The following MYT1L variants were observed in gnomAD, a reference collection of about 807,000 sequenced individuals.
MYT1L encodes myelin transcription factor 1 like, also known as myelin transcription factor 1-like protein.
A neutral mutation model predicts 126.7 loss-of-function variants in MYT1L; 12 were observed. That is an observed-to-expected ratio of 0.09 (90% confidence interval 0.06 to 0.15). MYT1L has a LOEUF of 0.15. Among genes scored for constraint, MYT1L ranks in the 10% least tolerant of loss-of-function variants. The pLI is 1.00. For synonymous variants in MYT1L, 541 were observed against 604.2 expected (o/e 0.90, Z 1.53); for missense variants, 979 against 1,585.2 (o/e 0.62, Z 6.49).
rs80023512 is a variant in MYT1L at position 2,196,891 on chromosome 2, C to T, written c.-420-23903G>A. ...GAGATGTGAAAGTAGTACACAGGACCATCAATAGTCAAAGATTATCACACC... is the reference window on the plus strand; with the variant it reads ...GAGATGTGAAAGTAGTACACAGGACTATCAATAGTCAAAGATTATCACACC... On this transcript the variant is annotated intron_variant, in intron 2 of 24. Coordinates refer to ENST00000647738, the MANE Select transcript of MYT1L (RefSeq NM_001303052.2). Among the ~76,000 whole-genome samples, 1,436 of 152,006 alleles carry T rather than the reference C, an allele frequency of 9.4e-3. 28 individuals are homozygous for T. The highest frequency in any genetic ancestry group is 0.033 in the African/African-American group (1,353 of 41,486).
Position 2,256,471 on chromosome 2 carries a change from C to G in MYT1L, c.-421+27933G>C, listed in dbSNP as rs1430196420. ...TCTATGCTGCTTAGCGCTACAGCAGCAGAATGGAGTAGTGGGAACAGGAAC... is the reference window on the plus strand; with the variant it reads ...TCTATGCTGCTTAGCGCTACAGCAGGAGAATGGAGTAGTGGGAACAGGAAC... On this transcript the variant is annotated intron_variant, in intron 2 of 24. Transcript: ENST00000647738. Among the ~76,000 whole-genome samples the G allele has an allele frequency of 4.6e-5, 7 of 152,188 alleles. No individual in the cohort carries two copies. The East Asian group carries it at 1.3e-3, about 29-fold the overall frequency.
At chr2:1,833,587 G>A (rs1347561779) in intron 21 of MYT1L, among the ~76,000 whole-genome samples, 2 of 152,142 alleles carry the variant, frequency 1.3e-5, no homozygotes, top group Non-Finnish European at 2.9e-5. Flanking sequence ...CTCCTTTCTG[G>A]GAGGGATTGG....
At chr2:1,956,359 C>G (rs1055440705) in intron 8 of MYT1L, among the ~76,000 whole-genome samples, 2 of 150,062 alleles carry the variant, frequency 1.3e-5, no homozygotes, top group East Asian at 3.9e-4. Flanking sequence ...ATCTATCTAT[C>G]TATCATCTAT....
chr2:1,976,273 C>T (rs745960224), intron 8 of MYT1L, among the ~76,000 whole-genome samples: 7 of 152,142 alleles, frequency 4.6e-5, no homozygotes, highest in Non-Finnish European at 1.0e-4. Context: ...GAGGGTGTGC[C>T]GGCATGAATG....
intron 3 of MYT1L, among the ~76,000 whole-genome samples, chr2:2,070,279 T>C (rs2074436856): frequency 6.6e-6 from 1 of 152,176 alleles, no homozygotes; most frequent in South Asian, 2.1e-4. Flanking sequence ...ATCTACCCCA[T>C]GTTTCCATTT....
At chr2:2,139,647 AAAATAAAT>A (rs965623773) in intron 3 of MYT1L, among the ~76,000 whole-genome samples, 2 of 151,506 alleles carry the variant, frequency 1.3e-5, no homozygotes, top group Non-Finnish European at 2.9e-5. Context: ...TCAAAAAAAT[AAAATAAAT>A]AAATAAATAA....
intron 18 of MYT1L, among the ~76,000 whole-genome samples, chr2:1,865,082 G>A (rs1376470874): frequency 1.3e-5 from 2 of 152,192 alleles, no homozygotes; most frequent in African/African-American, 2.4e-5. Flanking sequence ...GGGGAAGGGC[G>A]CCCGTGTGGG....
At chr2:1,847,063 A>G (rs4627603) in intron 19 of MYT1L, among the ~76,000 whole-genome samples, 67,816 of 151,536 alleles carry the variant, frequency 0.45, 16,200 homozygotes, top group East Asian at 0.67. Flanking sequence ...ATAGGTAGAC[A>G]CTGTCTGGCC....
intron 1 of MYT1L, among the ~76,000 whole-genome samples, chr2:2,316,977 ATT>A (rs397941762): frequency 6.9e-6 from 1 of 145,968 alleles, no homozygotes; most frequent in Admixed American, 6.9e-5. Context: ...TGCCCAGCCA[ATT>A]TTTTTTTTTT....
In MYT1L at chr2:1,882,038, T is replaced by C. The variant is rs562037278; in HGVS notation, c.2711+4501A>G. On this transcript the variant is annotated intron_variant, in intron 18 of 24. Coordinates refer to ENST00000647738, the MANE Select transcript of MYT1L (RefSeq NM_001303052.2). ...CTCAACTGGGCAGTCCAACCACCTG[T>C]TCCTCAGTTCTCACATCCGTAAAAT... Among the ~76,000 whole-genome samples, 18 of 152,310 alleles carry C rather than the reference T, an allele frequency of 1.2e-4. No homozygotes were observed. In the East Asian group the frequency reaches 3.3e-3, roughly 28 times the overall value.
chr2:2,178,042 A>T (rs937456377), intron 2 of MYT1L, among the ~76,000 whole-genome samples: 1 of 152,150 alleles, frequency 6.6e-6, no homozygotes, highest in African/African-American at 2.4e-5. Context: ...TGTTTATTTC[A>T]TATATATACT....
chr2:2,215,890 G>T (rs903421838), intron 2 of MYT1L, among the ~76,000 whole-genome samples: 4 of 152,170 alleles, frequency 2.6e-5, no homozygotes, highest in African/African-American at 7.2e-5. Flanking sequence ...GAACCTGGTG[G>T]AAGGTGTTCG....
At chr2:1,951,912 T>C (rs1189421958) in intron 8 of MYT1L, among the ~76,000 whole-genome samples, 1 of 152,238 alleles carries the variant, frequency 6.6e-6, no homozygotes, top group Non-Finnish European at 1.5e-5. Flanking sequence ...ATGTCAGAAA[T>C]AGTTGAAATC....
intron 3 of MYT1L, among the ~76,000 whole-genome samples, chr2:2,150,592 GA>G (rs746070304): frequency 6.6e-5 from 10 of 152,058 alleles, no homozygotes; most frequent in Non-Finnish European, 1.2e-4. Flanking sequence ...ATTTTTTTTA[GA>G]AATTACAGCA....
chr2:1,873,614 G>C (rs1301415730), intron 18 of MYT1L, among the ~76,000 whole-genome samples: 1 of 152,196 alleles, frequency 6.6e-6, no homozygotes, highest in African/African-American at 2.4e-5. Flanking sequence ...GATTTGTTCA[G>C]CATCTGGCAG....
intron 8 of MYT1L, among the ~76,000 whole-genome samples, chr2:1,951,941 A>G (rs2057790379): frequency 6.6e-6 from 1 of 152,252 alleles, no homozygotes; most frequent in Non-Finnish European, 1.5e-5. Context: ...ATGCAATTAA[A>G]TAACTAGCAT....
At chr2:2,109,591 T>G (rs1010541693) in intron 3 of MYT1L, among the ~76,000 whole-genome samples, 4 of 151,948 alleles carry the variant, frequency 2.6e-5, no homozygotes, top group African/African-American at 9.7e-5. Context: ...AAAAAGAAAT[T>G]TTAAGTTATG....
At chr2:1,839,854 A>C (rs941940801) in intron 20 of MYT1L, among the ~76,000 whole-genome samples, 5 of 152,202 alleles carry the variant, frequency 3.3e-5, no homozygotes, top group African/African-American at 1.2e-4. Flanking sequence ...GAGGCCTTAA[A>C]ATGCCCTTCC....
At chr2:1,985,776 T>C (rs2060965229) in intron 5 of MYT1L, among the ~76,000 whole-genome samples, 1 of 152,190 alleles carries the variant, frequency 6.6e-6, no homozygotes, top group South Asian at 2.1e-4. Flanking sequence ...TGTCTTGTAA[T>C]AGGCCCCCTA....
Sources: allele counts gnomAD v4.1 joint callset (sites outside exome capture counted in the v4.1 genomes callset), GRCh38; gene constraint gnomAD v4.1.1; transcripts MANE v1.5; gene names NCBI Gene and HGNC (gene_info 2026-07-23, HGNC 2026-07-21).